Variants in MACROD2 observed in about 807,000 individuals in gnomAD.
MACROD2 encodes the protein mono-ADP ribosylhydrolase 2, also known as ADP-ribose glycohydrolase MACROD2.
Under a neutral mutation model 70.4 loss-of-function variants are expected in MACROD2, and 36 were observed. The ratio of observed to expected loss-of-function variants is 0.51; its 90% CI spans 0.39 to 0.68. The LOEUF is 0.68. Ranked by LOEUF, MACROD2 falls within the 30% of genes least tolerant of loss-of-function variation. The pLI is 0.00. For synonymous variants in MACROD2, 172 were observed against 178.8 expected, an observed-to-expected ratio of 0.96 and a Z score of 0.30; for missense variants, 496 against 538.4, an observed-to-expected ratio of 0.92 and a Z score of 0.78.
chr20:14,392,884 T>A (rs572469812), intron 3 of MACROD2, among the ~76,000 whole-genome samples: 1 of 151,712 alleles, frequency 6.6e-6, no homozygotes, highest in Admixed American at 6.6e-5. Flanking sequence ...TGTAGATCTC[T>A]GCAGTATAGC....
chr20:14,933,577 C>T (rs577080468), intron 5 of MACROD2, among the ~76,000 whole-genome samples: 19 of 151,794 alleles, frequency 1.3e-4, no homozygotes, highest in Admixed American at 1.2e-3. Flanking sequence ...CTGCAGTGAG[C>T]CATGATCATG....
chr20:14,156,891 T>C (rs373255725), intron 3 of MACROD2, among the ~76,000 whole-genome samples: 28 of 152,344 alleles, frequency 1.8e-4, no homozygotes, highest in African/African-American at 6.3e-4. Context: ...TGTGAGCAGA[T>C]GGTTTTCCAT....
At chr20:14,762,896 C>T (rs957802426) in intron 5 of MACROD2, among the ~76,000 whole-genome samples, 1 of 152,032 alleles carries the variant, frequency 6.6e-6, no homozygotes, top group South Asian at 2.1e-4. Context: ...CGCCACTGCA[C>T]TCCAGCATGG....
At chr20:16,045,796 T>C (rs1269039637) in intron 17 of MACROD2, among the ~76,000 whole-genome samples, 1 of 152,032 alleles carries the variant, frequency 6.6e-6, no homozygotes, top group Non-Finnish European at 1.5e-5. Context: ...GCAAAAGCAA[T>C]CAACCTAAAA....
In MACROD2 at chr20:15,361,700, T is replaced by G. The variant is rs146898625; in HGVS notation, c.541-69705T>G. On this transcript the variant is annotated intron_variant, in intron 6 of 17. Coordinates refer to ENST00000684519, the MANE Select transcript of MACROD2 (RefSeq NM_001351661.2). ...TTTTAATCTATGAGCACAGTATGCT[T>G]CTTCTGTTTTTAGATATTCTTTGAT... 1.4e-4 allele frequency among the ~76,000 whole-genome samples: 22 copies of G among 152,316 alleles called. No individual in the cohort carries two copies. In the East Asian group the frequency reaches 4.2e-3, roughly 29 times the overall value.
At chr20:14,002,433 G>C (rs1342320168) in intron 2 of MACROD2, 29 bp downstream of exon 2, 2 of 1,419,374 alleles carry the variant, frequency 1.4e-6, no homozygotes, top group East Asian at 4.6e-5. Context: ...TTTTTAGGTA[G>C]ATATTTTTCC....
chr20:15,471,159 C>T (rs2046960021), intron 7 of MACROD2, among the ~76,000 whole-genome samples: 1 of 152,142 alleles, frequency 6.6e-6, no homozygotes, highest in Non-Finnish European at 1.5e-5. Flanking sequence ...AATTCTCTTC[C>T]AAAACTATCA....
At chr20:15,210,857 G>A (rs2076757563) in intron 5 of MACROD2, among the ~76,000 whole-genome samples, 1 of 152,144 alleles carries the variant, frequency 6.6e-6, no homozygotes, top group Non-Finnish European at 1.5e-5. Flanking sequence ...AGCCCTCCAA[G>A]CCATGCTGCC....
At chr20:15,586,962 T>C (rs2048611381) in intron 8 of MACROD2, among the ~76,000 whole-genome samples, 1 of 152,224 alleles carries the variant, frequency 6.6e-6, no homozygotes, top group African/African-American at 2.4e-5. Flanking sequence ...AGAGACAATG[T>C]TCTTGAGTGG....
intron 5 of MACROD2, among the ~76,000 whole-genome samples, chr20:15,019,321 G>A (rs2075146655): frequency 6.6e-6 from 1 of 152,136 alleles, no homozygotes; most frequent in African/African-American, 2.4e-5. Context: ...CCTTTTATAA[G>A]TCAAAAACGA....
At chr20:15,545,272 T>G (rs1048705174) in intron 8 of MACROD2, among the ~76,000 whole-genome samples, 1 of 152,248 alleles carries the variant, frequency 6.6e-6, no homozygotes, top group African/African-American at 2.4e-5. Flanking sequence ...CTTCTTAATA[T>G]GAAGGTTTCC....
chr20:14,862,084 T>TATATATAA (rs2073336199), intron 5 of MACROD2, among the ~76,000 whole-genome samples: 1 of 40,506 alleles, frequency 2.5e-5, no homozygotes, highest in African/African-American at 1.2e-4. Context: ...AATATATAAA[T>TATATATAA]ATATATAAAT....
rs73259159 is a variant in MACROD2, at chr20:14,176,772, C to G, written c.271+91044C>G. ...TTGAGGAGCTAAAATCAGTTCTTATCCATCAACTATCCCCTTTACCTCAAA... is the reference window on the plus strand; with the variant it reads ...TTGAGGAGCTAAAATCAGTTCTTATGCATCAACTATCCCCTTTACCTCAAA... On this transcript the variant is annotated intron_variant, in intron 3 of 17. Transcript: ENST00000684519. Among the ~76,000 whole-genome samples the G allele has an allele frequency of 1.7e-3, 256 of 152,296 alleles. 1 individual carries two copies. The highest frequency in any genetic ancestry group is 5.8e-3 in the African/African-American group (243 of 41,566).
At chr20:15,846,031 TA>T (rs2064227279) in intron 8 of MACROD2, among the ~76,000 whole-genome samples, 1 of 152,186 alleles carries the variant, frequency 6.6e-6, no homozygotes, top group South Asian at 2.1e-4. Flanking sequence ...AGTCAGAGAG[TA>T]AAAATGTTAT....
intron 3 of MACROD2, among the ~76,000 whole-genome samples, chr20:14,351,006 G>A (rs945699199): frequency 1.3e-5 from 2 of 152,178 alleles, no homozygotes; most frequent in African/African-American, 2.4e-5. Context: ...TGAAGAGACT[G>A]TCTTTTCCCC....
At chr20:15,775,926 T>C (rs1234850171) in intron 8 of MACROD2, among the ~76,000 whole-genome samples, 1 of 152,154 alleles carries the variant, frequency 6.6e-6, no homozygotes, top group East Asian at 1.9e-4. Context: ...ACTGGAAAAG[T>C]ACCCATGAAT....
At chr20:14,451,259 T>C (rs538234779) in intron 3 of MACROD2, among the ~76,000 whole-genome samples, 2 of 152,186 alleles carry the variant, frequency 1.3e-5, no homozygotes, top group South Asian at 2.1e-4. Flanking sequence ...CAGGCCAATA[T>C]GGCGAAACCC....
intron 7 of MACROD2, among the ~76,000 whole-genome samples, chr20:15,446,243 A>G (rs2046564255): frequency 6.6e-6 from 1 of 152,128 alleles, no homozygotes; most frequent in Non-Finnish European, 1.5e-5. Flanking sequence ...CTGACTGAAT[A>G]TAGAAAATAC....
chr20:15,609,231 AAG>A (rs2048933692), intron 8 of MACROD2, among the ~76,000 whole-genome samples: 1 of 152,220 alleles, frequency 6.6e-6, no homozygotes. Context: ...GAGGGAAGGA[AAG>A]AGAGAAAGTC....
Sources: allele counts gnomAD v4.1 joint callset (sites outside exome capture counted in the v4.1 genomes callset), GRCh38; gene constraint gnomAD v4.1.1; transcripts MANE v1.5; gene names NCBI Gene and HGNC (gene_info 2026-07-23, HGNC 2026-07-21).